Variants in SMYD3 observed in about 807,000 individuals in gnomAD.
The protein encoded by SMYD3 is SET and MYND domain containing 3.
In SMYD3, 36 loss-of-function variants were observed where a neutral mutation model predicts 57.7. The ratio of observed to expected loss-of-function variants is 0.62; its 90% confidence interval spans 0.48 to 0.82. SMYD3 has a LOEUF of 0.82. SMYD3 is among the 40% of genes least tolerant of loss of function. The pLI, the probability that SMYD3 is intolerant of heterozygous loss-of-function variation, is 0.00. For missense variants in SMYD3, 515 were observed against 538.8 expected (o/e 0.96, Z 0.44); for synonymous variants, 211 against 195.0 (o/e 1.08, Z -0.68).
rs898400090 is a variant in SMYD3, at chr1:246,094,858, C to A, written c.532-164921G>T. On this transcript the variant is annotated intron_variant, in intron 5 of 11. Transcript: ENST00000490107. ...CATATCTAACCTGCATCTAAATCTG[C>A]TGAGCGTATCTCGGAGCCTCTCTCC... is the stretch of plus-strand genomic sequence containing the variant. 2.0e-5 allele frequency among the ~76,000 whole-genome samples: 3 copies of A among 152,300 alleles called. No homozygotes were observed. The East Asian group carries it at 5.8e-4, about 29-fold the overall frequency.
intron 1 of SMYD3, among the ~76,000 whole-genome samples, chr1:246,498,383 A>G (rs1162856498): frequency 6.6e-6 from 1 of 152,210 alleles, no homozygotes; most frequent in African/African-American, 2.4e-5. Context: ...TAGTAGAGTG[A>G]TTTCCAGTAG....
intron 5 of SMYD3, among the ~76,000 whole-genome samples, chr1:246,319,685 C>T (rs1471531636): frequency 1.3e-5 from 2 of 152,158 alleles, no homozygotes; most frequent in Non-Finnish European, 2.9e-5. Context: ...CCTTTCAAAA[C>T]AACAGAGGTA....
chr1:245,941,838 A>G (rs538186955), intron 5 of SMYD3, among the ~76,000 whole-genome samples: 50 of 152,344 alleles, frequency 3.3e-4, no homozygotes, highest in African/African-American at 1.1e-3. Context: ...ATTCTTAAAG[A>G]AAATAATTTC....
chr1:245,939,530 G>A (rs2057134235), intron 5 of SMYD3, among the ~76,000 whole-genome samples: 1 of 152,116 alleles, frequency 6.6e-6, no homozygotes. Context: ...GGGAGACTGA[G>A]GCAGGGGAAT....
At chr1:246,301,539 G>A (rs2064891416) in intron 5 of SMYD3, among the ~76,000 whole-genome samples, 1 of 152,180 alleles carries the variant, frequency 6.6e-6, no homozygotes, top group African/African-American at 2.4e-5. Flanking sequence ...CTGAAGTAAT[G>A]AGAATATGTT....
At chr1:245,995,620 A>G (rs1279338785) in intron 5 of SMYD3, among the ~76,000 whole-genome samples, 1 of 152,208 alleles carries the variant, frequency 6.6e-6, no homozygotes, top group African/African-American at 2.4e-5. Flanking sequence ...ATGTGGCAGT[A>G]GAGAAAGCAG....
intron 5 of SMYD3, among the ~76,000 whole-genome samples, chr1:246,004,704 A>G (rs1226005066): frequency 6.6e-6 from 1 of 152,224 alleles, no homozygotes; most frequent in East Asian, 1.9e-4. Context: ...GTATGTGCAC[A>G]CAAAGGGTTA....
At chr1:246,060,152 G>A (rs1352948104) in intron 5 of SMYD3, among the ~76,000 whole-genome samples, 1 of 151,948 alleles carries the variant, frequency 6.6e-6, no homozygotes, top group African/African-American at 2.4e-5. Context: ...GCCAGGCATG[G>A]TGGCACACAT....
chr1:246,499,823 A>G (rs2068429921), intron 1 of SMYD3, among the ~76,000 whole-genome samples: 1 of 151,408 alleles, frequency 6.6e-6, no homozygotes. Context: ...ATATAAATAG[A>G]TAAAACCCAC....
chr1:246,110,494 A>T (rs1158265600), intron 5 of SMYD3, among the ~76,000 whole-genome samples: 1 of 152,028 alleles, frequency 6.6e-6, no homozygotes, highest in African/African-American at 2.4e-5. Flanking sequence ...TGTTCCAGCC[A>T]CTCCCAAGCA....
Position 245,764,009 on chromosome 1 carries a change from G to C in SMYD3, c.1185+32C>G, listed in dbSNP as rs762294720. 35 of 1,537,078 alleles carry C rather than the reference G, an allele frequency of 2.3e-5. No homozygotes were observed. The Admixed American group carries it at 5.8e-4, about 26-fold the overall frequency. On this transcript the variant is annotated intron_variant, in intron 11 of 11. Transcript: ENST00000490107. ...GCAACAGCAGAAAAAAAGGATGCCA[G>C]GCAGAACTATGTGAGATCTTGGCAC...
At chr1:246,408,083 A>C (rs1015348868) in intron 1 of SMYD3, among the ~76,000 whole-genome samples, 1 of 151,860 alleles carries the variant, frequency 6.6e-6, no homozygotes, top group African/African-American at 2.4e-5. Context: ...AATCCCATTC[A>C]TGAGGACTCT....
chr1:245,880,874 C>T (rs1325846105), intron 8 of SMYD3, among the ~76,000 whole-genome samples: 3 of 152,218 alleles, frequency 2.0e-5, no homozygotes, highest in Non-Finnish European at 2.9e-5. Flanking sequence ...GATTAATTAA[C>T]TTTACAATCA....
chr1:245,849,777 C>G lies in SMYD3; in HGVS notation c.1076+8719G>C, dbSNP rs145975803. Reference sequence around the variant, plus strand: ...AAGCGATCCTCTCACCTCATCCTCCCTGGTGGCTGGGACTACAGGCACATG... The same window carrying G: ...AAGCGATCCTCTCACCTCATCCTCCGTGGTGGCTGGGACTACAGGCACATG... On this transcript the variant is annotated intron_variant, in intron 10 of 11. Transcript: ENST00000490107. 6.6e-4 allele frequency among the ~76,000 whole-genome samples: 101 copies of G among 152,286 alleles called. 1 individual carries two copies. Among genetic ancestry groups the G allele is most frequent in the African/African-American group, 2.3e-3 (95 of 41,564 alleles).
At chr1:246,204,006 T>C (rs900605791) in intron 5 of SMYD3, among the ~76,000 whole-genome samples, 7 of 152,144 alleles carry the variant, frequency 4.6e-5, no homozygotes, top group Non-Finnish European at 8.8e-5. Flanking sequence ...AGAGTACCAG[T>C]GCCTGCTAAA....
At chr1:246,219,322 C>T (rs376785425) in intron 5 of SMYD3, among the ~76,000 whole-genome samples, 4 of 152,040 alleles carry the variant, frequency 2.6e-5, no homozygotes, top group East Asian at 1.9e-4. Context: ...AGCTGGATGT[C>T]GGAGAGAAGC....
rs35559952 is a variant in SMYD3 at position 246,416,554 on chromosome 1, T to TAA, written c.165-61462_165-61461dup. 4.9e-3 allele frequency among the ~76,000 whole-genome samples: 681 copies of TAA among 139,308 alleles called. 1 individual carries two copies. Among genetic ancestry groups the TAA allele is most frequent in the Middle Eastern group, 0.026 (7 of 266 alleles). The allele number at this position is 139,308 out of a possible 152,430, so 91.4% of individuals were successfully genotyped here. A position where few individuals can be genotyped will look rare whatever the true frequency, so the allele number is the denominator to read the frequency against. ...TTAGAACAGTGTCCACTGGGAAAAGTAAAAAAAAAAAAAAAAAACTTTTAC... is the reference window on the plus strand; with the variant it reads ...TTAGAACAGTGTCCACTGGGAAAAGTAAAAAAAAAAAAAAAAAAAACTTTTAC... On this transcript the variant is annotated intron_variant, in intron 1 of 11. Coordinates refer to ENST00000490107, the MANE Select transcript of SMYD3 (RefSeq NM_001167740.2).
chr1:246,034,230 C>T (rs1488010677), intron 5 of SMYD3, among the ~76,000 whole-genome samples: 4 of 152,176 alleles, frequency 2.6e-5, no homozygotes, highest in African/African-American at 4.8e-5. Context: ...CTGATCATAA[C>T]ATACACACTT....
rs1572458364 is a variant in SMYD3 at position 246,395,697 on chromosome 1, CATGGCTGGACAGGGAAG to C, written c.165-40620_165-40604del. Among the ~76,000 whole-genome samples the C allele has an allele frequency of 3.0e-4, 11 of 37,282 alleles. 1 individual carries two copies. The East Asian group carries it at 3.1e-3, about 11-fold the overall frequency. The allele number at this position is 37,282 out of a possible 152,430, so 24.5% of individuals were successfully genotyped here. A position where few individuals can be genotyped will look rare whatever the true frequency, so the allele number is the denominator to read the frequency against. On this transcript the variant is annotated intron_variant, in intron 1 of 11. Transcript: ENST00000490107. ...AGTCAGACAGGGAAGACGAACCCAC[CATGGCTGGACAGGGAAG>C]ACGAACACACCAGTCAGACAGGGAA...
Sources: gnomAD v4.1 joint callset for allele counts (sites outside exome capture counted in the v4.1 genomes callset) on GRCh38, gnomAD v4.1.1 for gene constraint, MANE v1.5 for transcripts, NCBI Gene and HGNC (gene_info 2026-07-23, HGNC 2026-07-21) for gene names.